The following CFAP69 variants were observed in gnomAD, a reference collection of about 807,000 sequenced individuals.
CFAP69 encodes cilia- and flagella-associated protein 69.
CFAP69 carries 92 observed loss-of-function variants against 123.0 expected under a neutral mutation model. The ratio of observed to expected loss-of-function variants is 0.75; its 90% CI spans 0.63 to 0.89. The LOEUF is 0.89. Ranked by LOEUF, CFAP69 falls within the 40% of genes least tolerant of loss-of-function variation. The probability of loss-of-function intolerance (pLI) is 0.00; values close to 1 mark genes in which losing one functional copy is unlikely to be tolerated. For synonymous variants in CFAP69, 380 were observed against 364.3 expected (o/e 1.04, Z -0.49); for missense variants, 1,067 against 1,096.9 (o/e 0.97, Z 0.39).
intron 14 of CFAP69, chr7:90,287,790 C>T: frequency 3.1e-6 from 3 of 956,062 alleles, no homozygotes; most frequent in South Asian, 4.8e-5. Flanking sequence ...TAAAACTTCA[C>T]AAAAATTATT....
At chr7:90,265,701 ATCACAAAAACAT>A (rs1293900899) in intron 5 of CFAP69, among the ~76,000 whole-genome samples, 4 of 152,210 alleles carry the variant, frequency 2.6e-5, no homozygotes, top group African/African-American at 9.6e-5. Context: ...TTTTTAAATA[ATCACAAAAACAT>A]TTCAACTTTG....
the CFAP69 span, chr7:90,319,605 GCACT>G: frequency 2.5e-6 from 1 of 398,592 alleles, no homozygotes. Flanking sequence ...AAGCTTTCCA[GCACT>G]GGAGATCAAT....
intron 19 of CFAP69, among the ~76,000 whole-genome samples, chr7:90,306,497 A>G (rs1349345664): frequency 2.0e-5 from 3 of 152,172 alleles, no homozygotes; most frequent in Non-Finnish European, 2.9e-5. Context: ...CCCCATGTTC[A>G]TTCTCCTAAA....
At chr7:90,292,273 A>G (rs572738099) in intron 15 of CFAP69, among the ~76,000 whole-genome samples, 89 of 152,148 alleles carry the variant, frequency 5.8e-4, no homozygotes, top group Non-Finnish European at 1.2e-3. Context: ...AGAGTTTGGT[A>G]AATTTCTCTT....
At chr7:90,303,167 C>T (rs894813226) in intron 17 of CFAP69, 6 of 152,200 alleles carry the variant, frequency 3.9e-5, no homozygotes, top group East Asian at 1.9e-4. Flanking sequence ...ACATTGATTT[C>T]GTGTCCCGCA....
At chr7:90,292,089 G>T (rs569062666) in intron 15 of CFAP69, among the ~76,000 whole-genome samples, 17 of 152,022 alleles carry the variant, frequency 1.1e-4, no homozygotes, top group Non-Finnish European at 2.1e-4. Context: ...TTATAATAAG[G>T]CCAATTTGCT....
intron 17 of CFAP69, chr7:90,303,305 T>C (rs1181988666): frequency 6.6e-6 from 1 of 152,360 alleles, no homozygotes; most frequent in Non-Finnish European, 1.5e-5. Flanking sequence ...TGGATGCTTT[T>C]TTTTTTTCTT....
chr7:90,264,368 C>T (rs368778236), intron 4 of CFAP69, among the ~76,000 whole-genome samples: 2 of 151,586 alleles, frequency 1.3e-5, no homozygotes, highest in East Asian at 1.9e-4. Flanking sequence ...TTGTGAAATG[C>T]GATTCTAATA....
chr7:90,280,510 T>C (rs553259329), intron 12 of CFAP69, among the ~76,000 whole-genome samples: 4 of 152,382 alleles, frequency 2.6e-5, no homozygotes, highest in African/African-American at 9.6e-5. Context: ...TTGCCCAGTC[T>C]GGCAGTATTA....
At chr7:90,255,098 CTT>C in intron 1 of CFAP69, among the ~76,000 whole-genome samples, 1 of 152,282 alleles carries the variant, frequency 6.6e-6, no homozygotes, top group South Asian at 2.1e-4. Flanking sequence ...CATAGGCAAA[CTT>C]AGTGTAATGT....
the CFAP69 span, chr7:90,322,397 T>C: frequency 6.6e-6 from 1 of 152,166 alleles, no homozygotes; most frequent in Non-Finnish European, 1.5e-5. Context: ...AGATGCAGAG[T>C]GACCTAATCC....
At chr7:90,314,049 A>C (rs1794554136), downstream of CFAP69, among the ~76,000 whole-genome samples, 1 of 152,142 alleles carries the variant, frequency 6.6e-6, no homozygotes, top group African/African-American at 2.4e-5. Context: ...TCAAACAAAG[A>C]CATCAGGCAA....
intron 9 of CFAP69, chr7:90,275,944 C>G (rs1034103752): frequency 2.0e-5 from 3 of 152,166 alleles, no homozygotes; most frequent in Non-Finnish European, 4.4e-5. Context: ...TAGTGCCATT[C>G]CCTTCTACAA....
At chr7:90,276,357 T>A (rs746237355) in intron 9 of CFAP69, among the ~76,000 whole-genome samples, 2 of 152,206 alleles carry the variant, frequency 1.3e-5, no homozygotes, top group Non-Finnish European at 2.9e-5. Flanking sequence ...CTCATTAGTG[T>A]CCTTGCAAAC....
At chr7:90,309,870 G>C (rs1794125051) in intron 22 of CFAP69, among the ~76,000 whole-genome samples, 198 bp from the exon 23 acceptor site, 1 of 152,174 alleles carries the variant, frequency 6.6e-6, no homozygotes, top group South Asian at 2.1e-4. Flanking sequence ...CAGTTACAAA[G>C]CTGATAAGCA....
chr7:90,307,863 T>C lies in CFAP69; in HGVS notation c.2550+9T>C. On this transcript the variant is annotated intron_variant, in intron 21 of 22. Coordinates refer to ENST00000389297, the MANE Select transcript of CFAP69 (RefSeq NM_001039706.3). ...ACGCTAAAACGTTAAAGGTAGGATTTTTAATGTATTATAGTATCCACAACA... is the reference window on the plus strand; with the variant it reads ...ACGCTAAAACGTTAAAGGTAGGATTCTTAATGTATTATAGTATCCACAACA... The C allele has an allele frequency of 2.5e-6, 4 of 1,569,330 alleles. No individual in the cohort carries two copies. The highest frequency in any genetic ancestry group is 3.5e-6 in the Non-Finnish European group (4 of 1,144,918).
At chr7:90,290,888 G>A (rs1791083977) in intron 15 of CFAP69, among the ~76,000 whole-genome samples, 1 of 151,682 alleles carries the variant, frequency 6.6e-6, no homozygotes, top group Non-Finnish European at 1.5e-5. Context: ...TGCAATTTCT[G>A]GGAGGAACTG....
chr7:90,314,651 A>G (rs1794611935), downstream of CFAP69, among the ~76,000 whole-genome samples: 1 of 151,840 alleles, frequency 6.6e-6, no homozygotes, highest in African/African-American at 2.4e-5. Context: ...AGAGGTATAT[A>G]GGAACTCTGT....
At position 90,282,895 on chromosome 7, in the gene CFAP69, C is replaced by A; in HGVS notation, c.1376C>A (p.Pro459Gln). 1 of 1,469,060 alleles carries A rather than the reference C, an allele frequency of 6.8e-7. No individual in the cohort carries two copies. The highest frequency in any genetic ancestry group is 1.5e-5 in the South Asian group (1 of 64,768). The allele number at this position is 1,469,060 out of a possible 1,614,324, so 91.0% of individuals were successfully genotyped here. The stretch of plus-strand genomic sequence containing the variant: ...AATTATCACTTTTTCTCCACAGATC[C>A]GTTTTTCAGTCATGGTAACAGTTTT... ...AFLEWCESEDPFFSHGNSFHG... is the reference protein window; with the variant it reads ...AFLEWCESEDQFFSHGNSFHG... The change falls in exon 13 of 23, where the codon CCG (proline) becomes CAG (glutamine). Residue 459 changes from proline (P) to glutamine (Q), a missense_variant. Pro to Gln is a moderately conservative substitution (Grantham distance 76). Coordinates refer to ENST00000389297, the MANE Select transcript of CFAP69 (RefSeq NM_001039706.3).
Sources: allele counts gnomAD v4.1 joint callset (sites outside exome capture counted in the v4.1 genomes callset), GRCh38; gene constraint gnomAD v4.1.1; transcripts MANE v1.5; gene names NCBI Gene and HGNC (gene_info 2026-07-23, HGNC 2026-07-21).